The following USP25 variants were observed in gnomAD, a reference collection of about 807,000 sequenced individuals.
The protein encoded by USP25 is ubiquitin carboxyl-terminal hydrolase 25.
In USP25, 85 loss-of-function variants were observed where a neutral mutation model predicts 158.5. That is an observed-to-expected ratio of 0.54 (90% confidence interval 0.45 to 0.64). The LOEUF (loss-of-function observed/expected upper bound fraction) is 0.64, where lower values mean the gene tolerates loss of function less well. USP25 is among the 30% of genes least tolerant of loss of function. The pLI, the probability that USP25 is intolerant of heterozygous loss-of-function variation, is 0.00. For missense variants in USP25, 1,242 were observed against 1,327.3 expected (o/e 0.94, Z 1.00); for synonymous variants, 464 against 460.4 (o/e 1.01, Z -0.10).
chr21:15,878,487 T>G lies in USP25; in HGVS notation c.*12T>G, dbSNP rs954524369. On this transcript the variant is annotated 3_prime_UTR_variant, in exon 26 of 26. Transcript: ENST00000400183. The stretch of plus-strand genomic sequence containing the variant: ...CTGATGGAAGATAAACTGCACACTT[T>G]CCCTGAACACACTGTATAAACTCTT... 2.5e-6 allele frequency: 4 copies of G among 1,613,568 alleles called. No homozygotes were observed. The African/African-American group carries it at 5.3e-5, about 22-fold the overall frequency.
At chr21:15,834,966 A>G (rs1391815254) in intron 17 of USP25, among the ~76,000 whole-genome samples, 1 of 152,226 alleles carries the variant, frequency 6.6e-6, no homozygotes, top group Admixed American at 6.5e-5. Flanking sequence ...TAACTATATT[A>G]TAGTTCCTTT....
intron 1 of USP25, among the ~76,000 whole-genome samples, chr21:15,735,008 A>G (rs931706123): frequency 2.6e-5 from 4 of 152,200 alleles, no homozygotes; most frequent in Admixed American, 6.5e-5. Flanking sequence ...AAGAAACAGT[A>G]TTGGAGAACT....
At chr21:15,788,957 A>T (rs960026119) in intron 4 of USP25, among the ~76,000 whole-genome samples, 1 of 152,060 alleles carries the variant, frequency 6.6e-6, no homozygotes, top group Non-Finnish European at 1.5e-5. Flanking sequence ...CTCTGCAAAG[A>T]AAGTTATATA....
intron 20 of USP25, among the ~76,000 whole-genome samples, chr21:15,851,641 CTT>C (rs1415088596): frequency 6.6e-6 from 1 of 151,938 alleles, no homozygotes; most frequent in Non-Finnish European, 1.5e-5. Flanking sequence ...TTTCCCTTAA[CTT>C]TTGTTTTCCT....
At chr21:15,776,435 A>G (rs559849804) in intron 3 of USP25, among the ~76,000 whole-genome samples, 15 of 152,230 alleles carry the variant, frequency 9.9e-5, no homozygotes, top group East Asian at 9.7e-4. Flanking sequence ...GTGGATAAAA[A>G]TAGAAGTAGA....
chr21:15,833,945 G>C (rs192570478), intron 17 of USP25, among the ~76,000 whole-genome samples: 395 of 152,120 alleles, frequency 2.6e-3, no homozygotes, highest in Non-Finnish European at 2.7e-3. Flanking sequence ...ATCAAGAGTA[G>C]TAATTTTAAA....
chr21:15,788,766 C>T (rs985139573), intron 4 of USP25, among the ~76,000 whole-genome samples: 1 of 152,016 alleles, frequency 6.6e-6, no homozygotes, highest in South Asian at 2.1e-4. Context: ...GTGATAAACC[C>T]ATTTCTTTAA....
intron 1 of USP25, 101 bp from the exon 2 acceptor site, chr21:15,762,790 G>GT (rs923366641): frequency 1.6e-5 from 17 of 1,088,982 alleles, no homozygotes; most frequent in African/African-American, 6.4e-5. Flanking sequence ...ACTTTATTCT[G>GT]TTTTTTGTTT....
At chr21:15,764,953 T>C (rs958139275) in intron 2 of USP25, among the ~76,000 whole-genome samples, 3 of 152,124 alleles carry the variant, frequency 2.0e-5, no homozygotes, top group Non-Finnish European at 4.4e-5. Flanking sequence ...TGATCCTACT[T>C]CTGTCATGTC....
Position 15,825,542 on chromosome 21 carries a change from A to G in USP25, c.1304+481A>G, listed in dbSNP as rs768072661. Among the ~76,000 whole-genome samples the G allele has an allele frequency of 3.9e-5, 6 of 152,208 alleles. No homozygotes were observed. In the South Asian group the frequency reaches 8.3e-4, roughly 21 times the overall value. ...GTACAGGGAATGAATGCCATTCCAT[A>G]CCAGTGGATGGTACCATGTATGAGT... is the stretch of plus-strand genomic sequence containing the variant. On this transcript the variant is annotated intron_variant, in intron 12 of 25. Transcript: ENST00000400183.
intron 17 of USP25, among the ~76,000 whole-genome samples, chr21:15,841,564 A>T (rs1206204162): frequency 6.6e-6 from 1 of 152,108 alleles, no homozygotes; most frequent in Non-Finnish European, 1.5e-5. Context: ...AAAACAGCTC[A>T]TTCATTATTC....
intron 20 of USP25, among the ~76,000 whole-genome samples, chr21:15,853,387 G>A (rs906919059): frequency 6.6e-6 from 1 of 152,016 alleles, no homozygotes; most frequent in East Asian, 1.9e-4. Flanking sequence ...AGTATTCCAT[G>A]CTATAGATAT....
In USP25 at chr21:15,758,742, C is replaced by T. The variant is rs186084784; in HGVS notation, c.46-4149C>T. On this transcript the variant is annotated intron_variant, in intron 1 of 25. Coordinates refer to ENST00000400183, the MANE Select transcript of USP25 (RefSeq NM_001283041.3). ...ATGGCAGAAGGGAAAGGAGAAGCAA[C>T]GGTGCATCTTACATGGTGGCAGGCA... Among the ~76,000 whole-genome samples, 662 of 152,196 alleles carry T rather than the reference C, an allele frequency of 4.3e-3. 8 individuals carry two copies. Among genetic ancestry groups the T allele is most frequent in the African/African-American group, 0.015 (615 of 41,534 alleles).
intron 20 of USP25, 62 bp from the exon 21 acceptor site, chr21:15,864,206 T>G: frequency 4.0e-6 from 6 of 1,503,606 alleles, no homozygotes; most frequent in Non-Finnish European, 5.4e-6. Flanking sequence ...ACTCATAATA[T>G]TGAAGGATTT....
At chr21:15,773,455 G>C (rs368458662) in intron 3 of USP25, 1 of 152,002 alleles carries the variant, frequency 6.6e-6, no homozygotes, top group Non-Finnish European at 1.5e-5. Context: ...TGCAGGAATC[G>C]TGTAACCAGG....
chr21:15,836,101 T>C, intron 17 of USP25, among the ~76,000 whole-genome samples: 1 of 152,128 alleles, frequency 6.6e-6, no homozygotes, highest in Non-Finnish European at 1.5e-5. Flanking sequence ...TGTATTTTAA[T>C]CTCTCAGGTG....
intron 21 of USP25, among the ~76,000 whole-genome samples, chr21:15,864,759 G>C (rs2146559980): frequency 6.6e-6 from 1 of 152,170 alleles, no homozygotes; most frequent in Non-Finnish European, 1.5e-5. Context: ...GTTTAAATTA[G>C]ATAAATCTTT....
At chr21:15,863,628 G>C (rs996575869) in intron 20 of USP25, among the ~76,000 whole-genome samples, 1 of 152,150 alleles carries the variant, frequency 6.6e-6, no homozygotes, top group African/African-American at 2.4e-5. Context: ...TCTGTGAATA[G>C]ACTTTGACTA....
chr21:15,738,938 C>A (rs188394106), intron 1 of USP25, among the ~76,000 whole-genome samples: 4 of 152,202 alleles, frequency 2.6e-5, no homozygotes, highest in Admixed American at 2.6e-4. Flanking sequence ...TCACATACCC[C>A]CTGCTTGCTC....
Sources: allele counts gnomAD v4.1 joint callset (sites outside exome capture counted in the v4.1 genomes callset), GRCh38; gene constraint gnomAD v4.1.1; transcripts MANE v1.5; gene names NCBI Gene and HGNC (gene_info 2026-07-23, HGNC 2026-07-21).